The following GNRH1 variants were observed in gnomAD, a reference collection of about 807,000 sequenced individuals.
GNRH1 encodes the protein gonadotropin releasing hormone 1.
A neutral mutation model predicts 13.6 loss-of-function variants in GNRH1; 9 were observed. The ratio of observed to expected loss-of-function variants is 0.66; its 90% CI spans 0.40 to 1.15. The LOEUF is 1.15. GNRH1 is among the 50% of genes most tolerant of loss of function. The pLI is 0.01. For missense variants in GNRH1, 116 were observed against 110.8 expected, an observed-to-expected ratio of 1.05 and a Z score of -0.21; for synonymous variants, 44 against 40.1, an observed-to-expected ratio of 1.10 and a Z score of -0.37.
intron 1 of GNRH1, chr8:25,423,598 G>C: frequency 2.2e-6 from 1 of 460,142 alleles, no homozygotes; most frequent in Non-Finnish European, 3.9e-6. Flanking sequence ...TATTTTTATT[G>C]TTTGGTTATC....
At chr8:25,423,632 T>C (rs2117370366) in intron 1 of GNRH1, 1 of 368,208 alleles carries the variant, frequency 2.7e-6, no homozygotes, top group African/African-American at 2.1e-5. Flanking sequence ...TCATCCCTTA[T>C]CAAGTTCATC....
chr8:25,420,307 G>T (rs916618374), intron 3 of GNRH1, among the ~76,000 whole-genome samples: 2 of 151,380 alleles, frequency 1.3e-5, no homozygotes, highest in African/African-American at 4.9e-5. Flanking sequence ...TCAGCTACTC[G>T]GGAGGCTGAG....
intron 2 of GNRH1, 124 bp downstream of exon 2, chr8:25,423,066 A>G (rs1801796027): frequency 1.2e-6 from 1 of 811,946 alleles, no homozygotes. Context: ...TAAGTGCCTT[A>G]TCTCACCTGG....
At chr8:25,419,767 A>G (rs1167011977) in intron 3 of GNRH1, among the ~76,000 whole-genome samples, 1 of 151,948 alleles carries the variant, frequency 6.6e-6, no homozygotes, top group African/African-American at 2.4e-5. Context: ...GATTGCAGGC[A>G]TGCATCACCG....
intron 3 of GNRH1, 70 bp downstream of exon 3, chr8:25,421,503 A>T: frequency 1.2e-6 from 1 of 804,546 alleles, no homozygotes; most frequent in Non-Finnish European, 2.2e-6. Flanking sequence ...AGCTGTCCTA[A>T]GTGATCCCCA....
At chr8:25,421,759 CA>C in intron 2 of GNRH1, 91 bp from the exon 3 acceptor site, 1 of 237,128 alleles carries the variant, frequency 4.2e-6, no homozygotes, top group Non-Finnish European at 8.4e-6. Context: ...AGAGTGGGGT[CA>C]AGGGGGATGT....
At chr8:25,422,719 CT>C (rs1221820141) in intron 2 of GNRH1, among the ~76,000 whole-genome samples, 3 of 152,054 alleles carry the variant, frequency 2.0e-5, no homozygotes, top group Admixed American at 1.3e-4. Flanking sequence ...TTAAATGCCC[CT>C]ATCAGTGAAA....
chr8:25,422,874 A>G (rs910211683), intron 2 of GNRH1, among the ~76,000 whole-genome samples: 1 of 152,236 alleles, frequency 6.6e-6, no homozygotes, highest in Non-Finnish European at 1.5e-5. Flanking sequence ...ATCCCAAAGA[A>G]TCATCTTCTG....
chr8:25,421,470 A>G (rs372793405), intron 3 of GNRH1, 103 bp downstream of exon 3: 3 of 654,042 alleles, frequency 4.6e-6, no homozygotes, highest in African/African-American at 1.8e-5. Flanking sequence ...TCAGGAATGT[A>G]AGCCCCACAG....
At chr8:25,421,441 A>G (rs1015216451) in intron 3 of GNRH1, 132 bp downstream of exon 3, 20 of 600,722 alleles carry the variant, frequency 3.3e-5, no homozygotes, top group African/African-American at 3.1e-4. Context: ...CGGTCCTACC[A>G]CAGGAGGTAA....
intron 1 of GNRH1, chr8:25,423,549 T>C (rs1801803813): frequency 1.7e-6 from 1 of 586,414 alleles, no homozygotes; most frequent in East Asian, 2.9e-5. Context: ...TAAGCTCACA[T>C]GTTCAGGACC....
At chr8:25,420,551 T>C (rs1277334183) in intron 3 of GNRH1, among the ~76,000 whole-genome samples, 1 of 152,182 alleles carries the variant, frequency 6.6e-6, no homozygotes, top group African/African-American at 2.4e-5. Context: ...CTGTAATGCC[T>C]TCTGATTGCT....
intron 3 of GNRH1, among the ~76,000 whole-genome samples, chr8:25,420,240 C>A (rs2117366183): frequency 6.6e-6 from 1 of 151,898 alleles, no homozygotes; most frequent in Admixed American, 6.5e-5. Context: ...ATGGTGAAAC[C>A]CCATCTCTAC....
Position 25,423,349 on chromosome 8 carries a change from A to G in GNRH1, c.-1-18T>C. 6.2e-7 allele frequency: 1 copy of G among 1,609,382 alleles called. No individual in the cohort carries two copies. Among genetic ancestry groups the G allele is most frequent in the Non-Finnish European group, 8.5e-7 (1 of 1,175,758 alleles). On this transcript the variant is annotated intron_variant, in intron 1 of 3. Transcript: ENST00000421054. ...GCTTCATTCTAAGGCACATGAATGC[A>G]CAATCAAATTAGATCCAGACAAGGT...
chr8:25,423,131 T>A, intron 2 of GNRH1, 59 bp downstream of exon 2: 1 of 1,227,172 alleles, frequency 8.1e-7, no homozygotes, highest in Admixed American at 1.7e-5. Context: ...CCTGAATGTT[T>A]AATATAGTTA....
chr8:25,423,918 C>G (rs1028036261), intron 1 of GNRH1: 7 of 152,420 alleles, frequency 4.6e-5, no homozygotes, highest in African/African-American at 1.7e-4. Context: ...GCCTTCCTAG[C>G]CAAGGGGGCC....
At chr8:25,420,020 C>T (rs1002204709) in intron 3 of GNRH1, among the ~76,000 whole-genome samples, 1 of 152,158 alleles carries the variant, frequency 6.6e-6, no homozygotes, top group Non-Finnish European at 1.5e-5. Context: ...TGGTCAATTA[C>T]TTTGCTATTA....
Position 25,421,658 on chromosome 8 carries a change from T to A in GNRH1, c.152A>T (p.Glu51Val). 1 of 1,540,642 alleles carries A rather than the reference T, an allele frequency of 6.5e-7. No individual in the cohort carries two copies. The highest frequency in any genetic ancestry group is 9.0e-7 in the Non-Finnish European group (1 of 1,115,246). ...LIDSFQEIVK[E>V]VGQLAETQRF... ...TTGGGTTTCTGCCAGTTGACCAACC[T>A]CTTTGACTATCTGAAGAAAGAGAAT... Residue 51 changes from glutamate to valine, a missense_variant, in exon 3 of 4, where the codon GAG becomes GTG. Coordinates refer to ENST00000421054, the MANE Select transcript of GNRH1 (RefSeq NM_001083111.2).
chr8:25,421,085 T>C (rs1477368868), intron 3 of GNRH1, among the ~76,000 whole-genome samples: 1 of 152,082 alleles, frequency 6.6e-6, no homozygotes, highest in Non-Finnish European at 1.5e-5. Flanking sequence ...GCATTTTTCA[T>C]TCCAAAGAAG....
Sources: allele counts gnomAD v4.1 joint callset (sites outside exome capture counted in the v4.1 genomes callset), GRCh38; gene constraint gnomAD v4.1.1; transcripts MANE v1.5; gene names NCBI Gene and HGNC (gene_info 2026-07-23, HGNC 2026-07-21).